The following WDR26 variants were observed in gnomAD, a reference collection of about 807,000 sequenced individuals.
WDR26 encodes WD repeat domain 26, also known as WD repeat-containing protein 26.
A neutral mutation model predicts 84.1 loss-of-function variants in WDR26; 5 were observed. The observed-to-expected ratio is 0.06, with a 90% CI of 0.03 to 0.13. WDR26 has a LOEUF of 0.13. Ranked by LOEUF, WDR26 falls within the 10% of genes least tolerant of loss-of-function variation. The pLI is 1.00. For synonymous variants in WDR26, 415 were observed against 389.6 expected (o/e 1.07, Z -0.77); for missense variants, 642 against 974.9 (o/e 0.66, Z 4.55).
At chr1:224,399,155 T>G in intron 9 of WDR26, 121 bp from the exon 10 acceptor site, 1 of 846,402 alleles carries the variant, frequency 1.2e-6, no homozygotes, top group Non-Finnish European at 1.7e-6. Flanking sequence ...TTCCTGAGAC[T>G]GATCTCAACC....
intron 4 of WDR26, among the ~76,000 whole-genome samples, chr1:224,421,571 T>C (rs551827439): frequency 2.6e-5 from 4 of 152,020 alleles, no homozygotes; most frequent in African/African-American, 9.6e-5. Context: ...GCATGGATAA[T>C]GGAGAGAGAC....
chr1:224,404,533 C>G lies in WDR26; in HGVS notation c.1496G>C (p.Gly499Ala). The change falls in exon 8 of 14, where the codon GGA becomes GCA. Residue 499 changes from glycine to alanine, a missense_variant. Around this residue, in one of 2 missense-constraint regions of WDR26, gnomAD observed 351 missense variants for 672.8 expected, o/e 0.52. Coordinates refer to ENST00000414423, the MANE Select transcript of WDR26 (RefSeq NM_001379403.1). ...AATATAAGAAACGCCATAAGCATGT[C>G]CTTCTAATGTTTTAAGCAGTTTTAG... 6.2e-7 allele frequency: 1 copy of G among 1,613,766 alleles called. No individual in the cohort carries two copies. The highest frequency in any genetic ancestry group is 8.5e-7 in the Non-Finnish European group (1 of 1,179,818).
intron 3 of WDR26, among the ~76,000 whole-genome samples, chr1:224,425,458 C>CA (rs1266862843): frequency 1.3e-5 from 2 of 152,190 alleles, no homozygotes; most frequent in Non-Finnish European, 2.9e-5. Flanking sequence ...TCCCCTAAAC[C>CA]AATAAACCAC....
At chr1:224,427,103 C>CTAAAAAAAAAA (rs769063024) in intron 3 of WDR26, among the ~76,000 whole-genome samples, 1 of 91,154 alleles carries the variant, frequency 1.1e-5, no homozygotes, top group Non-Finnish European at 2.1e-5. Context: ...AACTCTGTCT[C>CTAAAAAAAAAA]CAAAAAAAAA....
At chr1:224,392,499 T>C (rs951882640) in intron 13 of WDR26, among the ~76,000 whole-genome samples, 15 of 152,310 alleles carry the variant, frequency 9.8e-5, no homozygotes, top group African/African-American at 3.1e-4. Context: ...AAAGCACAGA[T>C]TGAATCACAG....
chr1:224,434,572 C>A lies in WDR26; in HGVS notation c.-167G>T. The A allele has an allele frequency of 3.9e-6, 1 of 255,748 alleles. No homozygotes were observed. The highest frequency in any genetic ancestry group is 5.8e-6 in the Non-Finnish European group (1 of 172,158). The allele number at this position is 255,748 out of a possible 1,614,324, so 15.8% of individuals were successfully genotyped here. On this transcript the variant is annotated 5_prime_UTR_variant, in exon 1 of 14. Transcript: ENST00000414423. ...GGGAGAAGGAGGATCCGGGCCCTTTCCCCCCCCCCTCCCGGAGGCAGCTCG... is the reference window on the plus strand; with the variant it reads ...GGGAGAAGGAGGATCCGGGCCCTTTACCCCCCCCCTCCCGGAGGCAGCTCG...
intron 8 of WDR26, among the ~76,000 whole-genome samples, chr1:224,401,558 C>T (rs879828535): frequency 1.3e-4 from 20 of 150,268 alleles, no homozygotes; most frequent in Admixed American, 8.0e-4. Flanking sequence ...CCTATAATCC[C>T]AGCTATTCAA....
At chr1:224,416,461 C>T (rs1307046257) in intron 6 of WDR26, among the ~76,000 whole-genome samples, 9 of 152,150 alleles carry the variant, frequency 5.9e-5, no homozygotes, top group Non-Finnish European at 8.8e-5. Flanking sequence ...CTCCTGACCT[C>T]GTGATCCACC....
intron 11 of WDR26, 36 bp from the exon 12 acceptor site, chr1:224,398,262 C>T (rs1211570203): frequency 1.3e-6 from 2 of 1,583,006 alleles, no homozygotes; most frequent in Admixed American, 2.0e-5. Context: ...TTTAATCTGC[C>T]TCAACTCAAA....
At chr1:224,416,231 C>CTT (rs900427423) in intron 6 of WDR26, among the ~76,000 whole-genome samples, 1 of 145,490 alleles carries the variant, frequency 6.9e-6, no homozygotes, top group Non-Finnish European at 1.5e-5. Context: ...TTTTTTCTTT[C>CTT]TTTTTTTTTT....
rs1673072108 is a variant in WDR26, at chr1:224,389,701, C to T, written c.*134G>A. 2.1e-6 allele frequency: 2 copies of T among 944,912 alleles called. No homozygotes were observed. Among genetic ancestry groups the T allele is most frequent in the Non-Finnish European group, 3.3e-6 (2 of 598,138 alleles). The allele number at this position is 944,912 out of a possible 1,614,324, so 58.5% of individuals were successfully genotyped here. ...GTGTAAATGTTTGGCCCCAATCGGG[C>T]TTCAGAAATGGTTCTTTTTTCATGA... On this transcript the variant is annotated 3_prime_UTR_variant, in exon 14 of 14. Coordinates refer to ENST00000414423, the MANE Select transcript of WDR26 (RefSeq NM_001379403.1).
intron 2 of WDR26, 39 bp downstream of exon 2, chr1:224,431,643 T>G: frequency 6.2e-7 from 1 of 1,610,286 alleles, no homozygotes; most frequent in Non-Finnish European, 8.5e-7. Context: ...AATCTGTAAT[T>G]TTAGCAGCAG....
At chr1:224,398,385 G>T in intron 11 of WDR26, 130 bp downstream of exon 11, 1 of 1,228,746 alleles carries the variant, frequency 8.1e-7, no homozygotes. Flanking sequence ...ACACATTTAA[G>T]GATCAATCAC....
Position 224,433,677 on chromosome 1 carries a change from T to TA in WDR26, c.722+6dup. On this transcript the variant is annotated splice_region_variant and intron_variant, in intron 1 of 13. Transcript: ENST00000414423. ...TCCATCACCAGCTGGCGGTAAGGGA[T>TA]ACTTACTTGAGCCCTAAGCCATTCA... 7.2e-7 allele frequency: 1 copy of TA among 1,394,054 alleles called. No homozygotes were observed. 86.4% of individuals were successfully genotyped at this position (1,394,054 alleles called of 1,614,324 possible).
intron 6 of WDR26, among the ~76,000 whole-genome samples, chr1:224,414,285 T>A (rs1487664200): frequency 1.3e-5 from 2 of 151,826 alleles, no homozygotes; most frequent in East Asian, 3.9e-4. Flanking sequence ...TTTGTATTTT[T>A]AGTAGAGGCA....
At chr1:224,404,175 A>G (rs898383684) in intron 8 of WDR26, among the ~76,000 whole-genome samples, 1 of 152,230 alleles carries the variant, frequency 6.6e-6, no homozygotes, top group African/African-American at 2.4e-5. Flanking sequence ...GAACCACAGT[A>G]AATAGCATAA....
At chr1:224,419,701 C>G (rs1326473414) in intron 4 of WDR26, 86 bp from the exon 5 acceptor site, 16 of 994,856 alleles carry the variant, frequency 1.6e-5, no homozygotes, top group Non-Finnish European at 2.4e-5. Context: ...ATCTGGCTAT[C>G]TGCTTCTTAC....
Position 224,433,638 on chromosome 1 carries a change from C to T in WDR26, c.722+46G>A. ...CCTTCCCCTACCCCCCTGGAGCCTC[C>T]GTCCCTCGGTCTGTCCATCACCAGC... On this transcript the variant is annotated intron_variant, in intron 1 of 13. Coordinates refer to ENST00000414423, the MANE Select transcript of WDR26 (RefSeq NM_001379403.1). 1.5e-6 allele frequency: 2 copies of T among 1,365,232 alleles called. 1 individual carries two copies. The highest frequency in any genetic ancestry group is 3.5e-5 in the South Asian group (2 of 57,706). 84.6% of individuals were successfully genotyped at this position (1,365,232 alleles called of 1,614,324 possible). A position where few individuals can be genotyped will look rare whatever the true frequency, so the allele number is the denominator to read the frequency against.
At chr1:224,423,203 G>A (rs1460875084) in intron 4 of WDR26, among the ~76,000 whole-genome samples, 1 of 152,142 alleles carries the variant, frequency 6.6e-6, no homozygotes, top group Non-Finnish European at 1.5e-5. Context: ...TTTGAACAGA[G>A]ATAGTTTTTC....
Sources: allele counts gnomAD v4.1 joint callset (sites outside exome capture counted in the v4.1 genomes callset), GRCh38; gene constraint gnomAD v4.1.1; regional missense constraint gnomAD v4.1.1; transcripts MANE v1.5; gene names NCBI Gene and HGNC (gene_info 2026-07-23, HGNC 2026-07-21).